Variants in ABCG2 observed in about 807,000 individuals in gnomAD.
ABCG2 encodes broad substrate specificity ATP-binding cassette transporter ABCG2.
ABCG2 carries 80 observed loss-of-function variants against 73.5 expected under a neutral mutation model. That is an observed-to-expected ratio of 1.09 (90% CI 0.91 to 1.31). ABCG2 has a LOEUF of 1.31. ABCG2 is among the 50% of genes most tolerant of loss of function. ABCG2 has a pLI of 0.00. For missense variants in ABCG2, 796 were observed against 786.2 expected, an observed-to-expected ratio of 1.01 and a Z score of -0.15; for synonymous variants, 269 against 282.4, an observed-to-expected ratio of 0.95 and a Z score of 0.48.
intron 10 of ABCG2, among the ~76,000 whole-genome samples, chr4:88,102,864 G>A (rs908138545): frequency 6.6e-6 from 1 of 152,104 alleles, no homozygotes; most frequent in Admixed American, 6.5e-5. Context: ...AGAGTCCATA[G>A]ATACCTAAAG....
At chr4:88,157,625 A>G (rs1031305756) in intron 1 of ABCG2, among the ~76,000 whole-genome samples, 4 of 152,230 alleles carry the variant, frequency 2.6e-5, no homozygotes, top group African/African-American at 9.6e-5. Context: ...TGGAAGGGTA[A>G]TGTTAGACTT....
intron 5 of ABCG2, among the ~76,000 whole-genome samples, chr4:88,124,333 T>C (rs4485788): frequency 0.2 from 29,873 of 152,132 alleles, 3,968 homozygotes; most frequent in Non-Finnish European, 0.29. Context: ...GAAATGTAAA[T>C]GGGCTAAATG....
intron 1 of ABCG2, among the ~76,000 whole-genome samples, chr4:88,218,626 T>C (rs1729899077): frequency 6.6e-6 from 1 of 152,132 alleles, no homozygotes; most frequent in South Asian, 2.1e-4. Context: ...GTCCCCAAAG[T>C]CCACTGTTAA....
At chr4:88,222,652 A>G (rs569582103) in intron 1 of ABCG2, among the ~76,000 whole-genome samples, 1 of 152,302 alleles carries the variant, frequency 6.6e-6, no homozygotes, top group South Asian at 2.1e-4. Flanking sequence ...CTTTATCAGC[A>G]GTGTGAAAAT....
intron 1 of ABCG2, among the ~76,000 whole-genome samples, chr4:88,187,473 C>A (rs992518194): frequency 6.6e-6 from 1 of 151,892 alleles, no homozygotes; most frequent in Non-Finnish European, 1.5e-5. Context: ...ATTAGCCAGG[C>A]ATGGTGGTGG....
intron 1 of ABCG2, among the ~76,000 whole-genome samples, chr4:88,169,202 T>C (rs111625726): frequency 0.23 from 35,054 of 151,846 alleles, 4,582 homozygotes; most frequent in Non-Finnish European, 0.29. Context: ...TGCACCACCA[T>C]GCCCGGCTAA....
At chr4:88,213,634 A>G (rs1039796485) in intron 1 of ABCG2, among the ~76,000 whole-genome samples, 2 of 151,920 alleles carry the variant, frequency 1.3e-5, no homozygotes, top group African/African-American at 4.8e-5. Flanking sequence ...GAATATATAT[A>G]TATATTCCTC....
intron 1 of ABCG2, among the ~76,000 whole-genome samples, chr4:88,140,358 G>C (rs1346925459): frequency 1.3e-5 from 2 of 152,160 alleles, no homozygotes; most frequent in Non-Finnish European, 2.9e-5. Flanking sequence ...AGCATATTAT[G>C]ATATAAGTCA....
intron 2 of ABCG2, among the ~76,000 whole-genome samples, chr4:88,139,257 C>T (rs143730946): frequency 2.8e-4 from 43 of 151,898 alleles, no homozygotes; most frequent in African/African-American, 7.3e-4. Context: ...TCACAAAGTA[C>T]GCTTTTTCTT....
chr4:88,190,862 A>G (rs982434185), intron 1 of ABCG2, among the ~76,000 whole-genome samples: 1 of 152,276 alleles, frequency 6.6e-6, no homozygotes, highest in Admixed American at 6.5e-5. Flanking sequence ...CTAAACGTTC[A>G]GGATAGAGGA....
chr4:88,116,036 A>C (rs1287688220), intron 7 of ABCG2, among the ~76,000 whole-genome samples: 2 of 152,082 alleles, frequency 1.3e-5, no homozygotes, highest in African/African-American at 2.4e-5. Flanking sequence ...CTCTACTAAA[A>C]ACACAAAAAT....
intron 1 of ABCG2, among the ~76,000 whole-genome samples, chr4:88,228,771 G>GCACTCTGTAAAAACACACCAA (rs1730326858): frequency 6.6e-6 from 1 of 151,860 alleles, no homozygotes; most frequent in African/African-American, 2.4e-5. Flanking sequence ...GCACCAATCA[G>GCACTCTGTAAAAACACACCAA]CACTCTGTAA....
At chr4:88,168,815 C>T (rs1314530914) in intron 1 of ABCG2, among the ~76,000 whole-genome samples, 1 of 151,678 alleles carries the variant, frequency 6.6e-6, no homozygotes, top group Non-Finnish European at 1.5e-5. Context: ...AAGTGGACAG[C>T]TTGATATATA....
At chr4:88,137,400 A>C (rs1725328239) in intron 2 of ABCG2, among the ~76,000 whole-genome samples, 2 of 152,204 alleles carry the variant, frequency 1.3e-5, no homozygotes, top group Admixed American at 6.5e-5. Context: ...TCCTCATAAC[A>C]CTAATCAATT....
At position 88,118,137 on chromosome 4, in the gene ABCG2, C is replaced by T; in HGVS notation, c.813G>A (p.Gln271=). ...SGRLMFHGPA[Q]EALGYFESAG... ...CTGATTCAAAGTATCCCAAGGCCTCCTGAGCAGGCCCGTGGAACATAAGTC... is the reference window on the plus strand; with the variant it reads ...CTGATTCAAAGTATCCCAAGGCCTCTTGAGCAGGCCCGTGGAACATAAGTC... Residue 271 remains glutamine, a synonymous_variant, in exon 7 of 16, where the codon CAG becomes CAA. Coordinates refer to ENST00000237612, the MANE Select transcript of ABCG2 (RefSeq NM_004827.3). The T allele has an allele frequency of 6.2e-7, 1 of 1,613,844 alleles. No homozygotes were observed. Among genetic ancestry groups the T allele is most frequent in the Non-Finnish European group, 8.5e-7 (1 of 1,179,918 alleles).
intron 1 of ABCG2, among the ~76,000 whole-genome samples, chr4:88,227,636 T>C (rs151331677): frequency 6.2e-4 from 94 of 151,754 alleles, no homozygotes; most frequent in African/African-American, 2.2e-3. Context: ...GGATTTGCGT[T>C]TTAGCAAGCT....
chr4:88,168,007 C>T (rs1048525170), intron 1 of ABCG2, among the ~76,000 whole-genome samples: 1 of 129,276 alleles, frequency 7.7e-6, no homozygotes, highest in African/African-American at 2.9e-5. Context: ...AAGCAGGCGT[C>T]AAAGTCTTTT....
At chr4:88,199,159 G>A (rs1208868034) in intron 1 of ABCG2, among the ~76,000 whole-genome samples, 1 of 151,938 alleles carries the variant, frequency 6.6e-6, no homozygotes, top group Non-Finnish European at 1.5e-5. Flanking sequence ...AGTAAAGACG[G>A]GGTTTCACCA....
intron 5 of ABCG2, among the ~76,000 whole-genome samples, chr4:88,125,334 C>T (rs539491436): frequency 2.1e-4 from 31 of 147,918 alleles, no homozygotes; most frequent in African/African-American, 6.8e-4. Flanking sequence ...TATGACTGGG[C>T]GTGGTGGCTC....
Sources: allele counts gnomAD v4.1 joint callset (sites outside exome capture counted in the v4.1 genomes callset), GRCh38; gene constraint gnomAD v4.1.1; transcripts MANE v1.5; gene names NCBI Gene and HGNC (gene_info 2026-07-23, HGNC 2026-07-21).